Variants in EXOC4 observed in about 807,000 individuals in gnomAD.
EXOC4 encodes the protein exocyst complex component 4.
A neutral mutation model predicts 107.2 loss-of-function variants in EXOC4; 71 were observed. That is an observed-to-expected ratio of 0.66 (90% CI 0.55 to 0.81). The LOEUF is 0.81. Ranked by LOEUF, EXOC4 falls within the 30% of genes least tolerant of loss-of-function variation. The pLI is 0.00. For missense variants in EXOC4, 1,108 were observed against 1,189.6 expected, an observed-to-expected ratio of 0.93 and a Z score of 1.01; for synonymous variants, 456 against 441.2, an observed-to-expected ratio of 1.03 and a Z score of -0.42.
chr7:133,916,239 G>A (rs747069317), intron 12 of EXOC4, among the ~76,000 whole-genome samples: 8 of 152,188 alleles, frequency 5.3e-5, no homozygotes. Context: ...TAATGCTACC[G>A]CTGATCTGGC....
At position 133,997,623 on chromosome 7, in the gene EXOC4, C is replaced by G; in HGVS notation, c.2338C>G (p.Leu780Val). ...TGACCGCTGCTTGCTTGTCTTACATCTGGAAGTGAGGTATGATACAGCCAA... is the reference window on the plus strand; with the variant it reads ...TGACCGCTGCTTGCTTGTCTTACATGTGGAAGTGAGGTATGATACAGCCAA... ...MADRCLLVLHLEVRVHCFHYL... is the reference protein window; with the variant it reads ...MADRCLLVLHVEVRVHCFHYL... The change falls in exon 15 of 18, where the codon CTG becomes GTG. Residue 780 changes from leucine to valine, a missense_variant. Coordinates refer to ENST00000253861, the MANE Select transcript of EXOC4 (RefSeq NM_021807.4). The G allele has an allele frequency of 6.2e-7, 1 of 1,613,118 alleles. No homozygotes were observed.
chr7:133,875,421 A>C (rs1416779010), intron 11 of EXOC4, among the ~76,000 whole-genome samples: 1 of 152,150 alleles, frequency 6.6e-6, no homozygotes, highest in African/African-American at 2.4e-5. Context: ...CTTCTGGTCT[A>C]TCCTTTTGTC....
chr7:133,464,851 A>ACTC (rs1798688116), intron 7 of EXOC4, among the ~76,000 whole-genome samples: 1 of 104,032 alleles, frequency 9.6e-6, no homozygotes, highest in Non-Finnish European at 1.7e-5. Context: ...TTAGGGTCTC[A>ACTC]CTCTGTCACC....
chr7:133,333,266 C>G (rs1250858369), intron 5 of EXOC4, among the ~76,000 whole-genome samples: 2 of 151,858 alleles, frequency 1.3e-5, no homozygotes, highest in East Asian at 3.9e-4. Flanking sequence ...TCAAATTGTC[C>G]CAAATTTGGC....
chr7:133,729,727 T>G (rs1795286747), intron 10 of EXOC4, among the ~76,000 whole-genome samples: 1 of 152,148 alleles, frequency 6.6e-6, no homozygotes, highest in Non-Finnish European at 1.5e-5. Context: ...TTTTAGAGTA[T>G]TTTTCAAACT....
intron 9 of EXOC4, among the ~76,000 whole-genome samples, chr7:133,583,443 C>G (rs1199519519): frequency 6.6e-6 from 1 of 152,156 alleles, no homozygotes; most frequent in African/African-American, 2.4e-5. Context: ...AAATGCTGTT[C>G]AGGATGCTCT....
chr7:134,054,019 C>T (rs1212060591), intron 17 of EXOC4, among the ~76,000 whole-genome samples: 2 of 152,230 alleles, frequency 1.3e-5, no homozygotes, highest in African/African-American at 4.8e-5. Context: ...GATCTTGGCT[C>T]ACTGCAACCT....
intron 7 of EXOC4, among the ~76,000 whole-genome samples, chr7:133,425,241 A>G (rs1797696993): frequency 6.6e-6 from 1 of 152,154 alleles, no homozygotes; most frequent in Non-Finnish European, 1.5e-5. Context: ...ATAAAATTCT[A>G]AGGCCCCCAA....
intron 11 of EXOC4, among the ~76,000 whole-genome samples, chr7:133,846,735 G>A (rs949200570): frequency 5.3e-5 from 8 of 152,352 alleles, no homozygotes; most frequent in African/African-American, 1.7e-4. Context: ...AATGCATGTG[G>A]CTGTGTTCCA....
At chr7:133,839,213 T>C (rs1400189708) in intron 11 of EXOC4, among the ~76,000 whole-genome samples, 1 of 152,248 alleles carries the variant, frequency 6.6e-6, no homozygotes, top group Non-Finnish European at 1.5e-5. Context: ...AACAGTCGTT[T>C]ATACTTGTAT....
chr7:133,649,485 TAA>T (rs1562891245), intron 10 of EXOC4, among the ~76,000 whole-genome samples: 14 of 132,882 alleles, frequency 1.1e-4, no homozygotes, highest in Admixed American at 2.4e-4. Flanking sequence ...TTTTTTTTTT[TAA>T]CCAGTAAAGA....
chr7:134,059,407 C>T (rs1184862909), intron 17 of EXOC4, among the ~76,000 whole-genome samples: 2 of 152,032 alleles, frequency 1.3e-5, no homozygotes, highest in Non-Finnish European at 2.9e-5. Flanking sequence ...CACTAATACT[C>T]AAAGATAAAA....
At chr7:133,886,215 C>T (rs1302036329) in intron 11 of EXOC4, among the ~76,000 whole-genome samples, 1 of 152,162 alleles carries the variant, frequency 6.6e-6, no homozygotes, top group Non-Finnish European at 1.5e-5. Flanking sequence ...ATCAAGACTC[C>T]AGCATATTAA....
At chr7:133,964,691 G>T (rs1201811874) in intron 14 of EXOC4, among the ~76,000 whole-genome samples, 1 of 152,118 alleles carries the variant, frequency 6.6e-6, no homozygotes, top group African/African-American at 2.4e-5. Flanking sequence ...GTATTCCATG[G>T]TGTATATGTG....
intron 7 of EXOC4, among the ~76,000 whole-genome samples, chr7:133,461,434 TTGAA>T (rs1463610138): frequency 6.6e-6 from 1 of 152,210 alleles, no homozygotes; most frequent in African/African-American, 2.4e-5. Context: ...AAATTCTATT[TTGAA>T]TGAACTATAG....
rs1207604931 is a variant in EXOC4, at chr7:133,372,533, A to G, written c.1008-2295A>G. Among the ~76,000 whole-genome samples, 4 of 150,006 alleles carry G rather than the reference A, an allele frequency of 2.7e-5. No individual in the cohort carries two copies. The East Asian group carries it at 5.8e-4, about 22-fold the overall frequency. On this transcript the variant is annotated intron_variant, in intron 6 of 17. Transcript: ENST00000253861. ...ACTGTGAATCTCATCTTACACCTCT[A>G]TTCTCTACTGGTTTTTTTTTTCTCT...
At chr7:133,710,224 T>C (rs1479137790) in intron 10 of EXOC4, among the ~76,000 whole-genome samples, 2 of 152,170 alleles carry the variant, frequency 1.3e-5, no homozygotes, top group East Asian at 3.9e-4. Flanking sequence ...TGCTGTCTCC[T>C]CTGTACTTGA....
chr7:133,376,900 C>CT (rs1796503147), intron 7 of EXOC4, among the ~76,000 whole-genome samples: 1 of 152,180 alleles, frequency 6.6e-6, no homozygotes, highest in Admixed American at 6.5e-5. Context: ...AATTTATTGT[C>CT]TGATAGAACA....
chr7:133,860,220 T>A (rs942982032), intron 11 of EXOC4, among the ~76,000 whole-genome samples: 4 of 152,206 alleles, frequency 2.6e-5, no homozygotes, highest in Non-Finnish European at 5.9e-5. Flanking sequence ...AGCTGTTAAC[T>A]GTGTGAATCT....
Sources: gnomAD v4.1 joint callset for allele counts (sites outside exome capture counted in the v4.1 genomes callset) on GRCh38, gnomAD v4.1.1 for gene constraint, MANE v1.5 for transcripts, NCBI Gene and HGNC (gene_info 2026-07-23, HGNC 2026-07-21) for gene names.